Variants in TCF3 observed in about 807,000 individuals in gnomAD.
TCF3 encodes transcription factor E2-alpha.
TCF3 carries 54 observed loss-of-function variants against 72.3 expected under a neutral mutation model. The observed-to-expected ratio is 0.75, with a 90% CI of 0.60 to 0.94. TCF3 has a LOEUF of 0.94. TCF3 is among the 40% of genes least tolerant of loss of function. The probability of loss-of-function intolerance (pLI) is 0.00; values close to 1 mark genes in which losing one functional copy is unlikely to be tolerated. For missense variants in TCF3, 1,078 were observed against 934.4 expected, an observed-to-expected ratio of 1.15 and a Z score of -2.00; for synonymous variants, 525 against 412.6, an observed-to-expected ratio of 1.27 and a Z score of -3.30.
At chr19:1,633,160 GC>G (rs1194459793) in intron 3 of TCF3, among the ~76,000 whole-genome samples, 4 of 152,218 alleles carry the variant, frequency 2.6e-5, no homozygotes, top group Admixed American at 2.0e-4. Flanking sequence ...AGAATCTTCT[GC>G]CCTGGGCAGG....
chr19:1,611,093 C>CA lies in TCF3; in HGVS notation c.*613dup, dbSNP rs1432776646. ...AAATTTGTTGCTTACAAAACATATG[C>CA]AAAAAAAGCTTAAAAAAACCAGAGA... On this transcript the variant is annotated 3_prime_UTR_variant, in exon 19 of 19. Coordinates refer to ENST00000262965, the MANE Select transcript of TCF3 (RefSeq NM_003200.5). 5 of 230,608 alleles carry CA rather than the reference C, an allele frequency of 2.2e-5. No individual in the cohort carries two copies. Among genetic ancestry groups the CA allele is most frequent in the Non-Finnish European group, 4.3e-5 (5 of 116,946 alleles). The allele number at this position is 230,608 out of a possible 1,614,324, so 14.3% of individuals were successfully genotyped here.
chr19:1,619,073 G>C (rs780021099), intron 16 of TCF3, 38 bp downstream of exon 16: 24 of 1,598,622 alleles, frequency 1.5e-5, no homozygotes, highest in Non-Finnish European at 2.0e-5. Flanking sequence ...TCCCCAACTG[G>C]AACCAGGAGT....
In TCF3 at chr19:1,650,365, G is replaced by A. The variant is rs1463907160; in HGVS notation, c.-39-78C>T. On this transcript the variant is annotated intron_variant, in intron 1 of 18. Coordinates refer to ENST00000262965, the MANE Select transcript of TCF3 (RefSeq NM_003200.5). ...GAGTTGTGAGTGGTCAAAGCACAGA[G>A]TGCTAAAAGCCACCTAAAAAACCCT... The A allele has an allele frequency of 3.1e-5, 35 of 1,134,006 alleles. No individual in the cohort carries two copies. In the South Asian group the frequency reaches 4.5e-4, roughly 14 times the overall value. The allele number at this position is 1,134,006 out of a possible 1,614,324, so 70.2% of individuals were successfully genotyped here.
At position 1,631,941 on chromosome 19, in the gene TCF3, G is replaced by A. The variant is rs1275990414; in HGVS notation, c.298+97C>T. ...TGTCCACACCCTCTGGGTGAACGCT[G>A]GGGACTTGCCTGGCGCTGTGCGTGC... On this transcript the variant is annotated intron_variant, in intron 5 of 18. Transcript: ENST00000262965. 3 of 1,549,554 alleles carry A rather than the reference G, an allele frequency of 1.9e-6. No homozygotes were observed. In the Admixed American group the frequency reaches 5.9e-5, roughly 30 times the overall value.
chr19:1,624,222 C>A (rs1318268720), intron 7 of TCF3, among the ~76,000 whole-genome samples: 1 of 152,136 alleles, frequency 6.6e-6, no homozygotes, highest in Non-Finnish European at 1.5e-5. Context: ...ACAGTGAAAC[C>A]CCGTCTCTAC....
At position 1,619,855 on chromosome 19, in the gene TCF3, T is replaced by C; in HGVS notation, c.1094-2A>G. On this transcript the variant is annotated splice_acceptor_variant, in intron 13 of 18. Coordinates refer to ENST00000262965, the MANE Select transcript of TCF3 (RefSeq NM_003200.5). LOFTEE classifies it high-confidence loss of function. ...CTGCTCGAGGCCACTGTGACGTTCC[T>C]GGAAGGGAGTGGGGACGTGAATGGG... is the stretch of plus-strand genomic sequence containing the variant. 6.4e-7 allele frequency: 1 copy of C among 1,572,776 alleles called. No individual in the cohort carries two copies.
intron 3 of TCF3, among the ~76,000 whole-genome samples, chr19:1,643,168 T>A (rs895118174): frequency 6.6e-6 from 1 of 152,200 alleles, no homozygotes; most frequent in Non-Finnish European, 1.5e-5. Flanking sequence ...TGTCTTCCGA[T>A]CCAGACAACC....
chr19:1,648,765 C>T (rs2066522842), intron 2 of TCF3, among the ~76,000 whole-genome samples: 1 of 150,512 alleles, frequency 6.6e-6, no homozygotes, highest in Non-Finnish European at 1.5e-5. Context: ...TAAATTCAGA[C>T]TGAAAGTGCC....
At chr19:1,621,215 C>A in intron 11 of TCF3, 24 bp from the exon 12 acceptor site, 1 of 1,531,442 alleles carries the variant, frequency 6.5e-7, no homozygotes, top group Non-Finnish European at 8.7e-7. Context: ...GAGGTGAGGC[C>A]CACGCAGCCC....
chr19:1,622,431 C>T lies in TCF3; in HGVS notation c.550-16G>A, dbSNP rs1568378143. On this transcript the variant is annotated splice_polypyrimidine_tract_variant and intron_variant, in intron 8 of 18. Coordinates refer to ENST00000262965, the MANE Select transcript of TCF3 (RefSeq NM_003200.5). ...GTGGGTACACCTGCGGGCGGGTGGG[C>T]GGTGGGGGGTGCAGTCAGGACGGAG... 26 of 441,904 alleles carry T rather than the reference C, an allele frequency of 5.9e-5. No individual in the cohort carries two copies. Among genetic ancestry groups the T allele is most frequent in the South Asian group, 3.1e-4 (15 of 48,594 alleles). The allele number at this position is 441,904 out of a possible 1,614,324, so 27.4% of individuals were successfully genotyped here. A position where few individuals can be genotyped will look rare whatever the true frequency, so the allele number is the denominator to read the frequency against.
At position 1,619,793 on chromosome 19, in the gene TCF3, C is replaced by T. The variant is rs117006898; in HGVS notation, c.1154G>A (p.Gly385Asp). The change falls in exon 14 of 19, where the codon GGT (glycine) becomes GAT (aspartate). Residue 385 changes from glycine (G) to aspartate (D), a missense_variant. By Grantham distance (94) the Gly-to-Asp change is moderately conservative. Transcript: ENST00000262965. Reference protein sequence around the residue: ...PGALSPSYDGGLHGLQSKIED... With the variant: ...PGALSPSYDGDLHGLQSKIED... ...GCAGGCACTCACCAGGCCGTGGAGA[C>T]CCCCGTCGTAGCTGGGCGATAAGGC... is the stretch of plus-strand genomic sequence containing the variant. 4.3e-3 allele frequency: 6,698 copies of T among 1,557,932 alleles called. 27 individuals carry two copies. Among genetic ancestry groups the T allele is most frequent in the Non-Finnish European group, 5.4e-3 (6,252 of 1,151,796 alleles).
chr19:1,615,097 G>A lies in TCF3; in HGVS notation c.1822+188C>T, dbSNP rs2061415748. On this transcript the variant is annotated intron_variant, in intron 18 of 18. Coordinates refer to ENST00000262965, the MANE Select transcript of TCF3 (RefSeq NM_003200.5). This position sits in a 1 kb window ranked among gnomAD's most constrained non-coding sequence, Gnocchi z 7.3. ...GGATGCTGAGGCAGGCAGGGAGAAG[G>A]GCTGGCAGTCAGGAGTGGACAGTCA... 6.6e-6 allele frequency among the ~76,000 whole-genome samples: 1 copy of A among 152,168 alleles called. No individual in the cohort carries two copies.
At chr19:1,642,030 G>A (rs1313083448) in intron 3 of TCF3, among the ~76,000 whole-genome samples, 1 of 151,820 alleles carries the variant, frequency 6.6e-6, no homozygotes, top group Non-Finnish European at 1.5e-5. Context: ...GGACAACAGA[G>A]TGAGACCTGG....
Position 1,615,582 on chromosome 19 carries a change from G to T in TCF3, c.1587-62C>A, listed in dbSNP as rs781408188. On this transcript the variant is annotated intron_variant, in intron 17 of 18. Transcript: ENST00000262965. This position sits in a 1 kb window ranked among gnomAD's most constrained non-coding sequence, Gnocchi z 7.3. ...CAGTGAGGTTGGGGGAAGAGCGTGG[G>T]GCCCGCCGACGGCCTCCCAGTGTGG... 1.1e-5 allele frequency: 18 copies of T among 1,605,324 alleles called. No homozygotes were observed. In the African/African-American group the frequency reaches 2.3e-4, roughly 20 times the overall value.
At chr19:1,629,626 C>T (rs1443279424) in intron 5 of TCF3, among the ~76,000 whole-genome samples, 1 of 152,170 alleles carries the variant, frequency 6.6e-6, no homozygotes, top group Non-Finnish European at 1.5e-5. Flanking sequence ...GATGCGGTGA[C>T]ACCTGGATCC....
intron 6 of TCF3, among the ~76,000 whole-genome samples, chr19:1,626,681 G>A (rs925798046): frequency 6.6e-6 from 1 of 152,178 alleles, no homozygotes; most frequent in South Asian, 2.1e-4. Context: ...CTGTAAAATG[G>A]GCACGTAGGC....
chr19:1,633,420 G>C (rs923369272), intron 3 of TCF3, among the ~76,000 whole-genome samples: 1 of 152,136 alleles, frequency 6.6e-6, no homozygotes, highest in Non-Finnish European at 1.5e-5. Context: ...TGATGTCTGT[G>C]ACCGGCACCA....
rs550821675 is a variant in TCF3 at position 1,609,734 on chromosome 19, G to A, written c.*1973C>T. On this transcript the variant is annotated 3_prime_UTR_variant, in exon 19 of 19. Transcript: ENST00000262965. Reference sequence around the variant, plus strand: ...CCCTCCCCTCCGCCTGGCCTGGACTGGGGGCAGATACCAGGCATTGAGCTG... The same window carrying A: ...CCCTCCCCTCCGCCTGGCCTGGACTAGGGGCAGATACCAGGCATTGAGCTG... 8.3e-5 allele frequency: 19 copies of A among 228,880 alleles called. No homozygotes were observed. Among genetic ancestry groups the A allele is most frequent in the Non-Finnish European group, 1.6e-4 (18 of 115,610 alleles). 14.2% of individuals were successfully genotyped at this position (228,880 alleles called of 1,614,324 possible). A position where few individuals can be genotyped will look rare whatever the true frequency, so the allele number is the denominator to read the frequency against.
intron 7 of TCF3, 96 bp from the exon 8 acceptor site, chr19:1,624,096 T>C (rs2062592011): frequency 7.5e-7 from 1 of 1,337,592 alleles, no homozygotes; most frequent in Non-Finnish European, 1.1e-6. Flanking sequence ...TCCCGTTTCA[T>C]ATATTAAAAA....
Sources: allele counts gnomAD v4.1 joint callset (sites outside exome capture counted in the v4.1 genomes callset), GRCh38; gene constraint gnomAD v4.1.1; non-coding constraint Gnocchi (gnomAD v3.1); transcripts MANE v1.5; gene names NCBI Gene and HGNC (gene_info 2026-07-23, HGNC 2026-07-21).